Variants in CYFIP2 observed in about 807,000 individuals in gnomAD.
CYFIP2 encodes cytoplasmic FMR1 interacting protein 2.
A neutral mutation model predicts 158.7 loss-of-function variants in CYFIP2; 29 were observed. That is an observed-to-expected ratio of 0.18 (90% confidence interval 0.14 to 0.25). CYFIP2 has a LOEUF of 0.25. Among genes scored for constraint, CYFIP2 ranks in the 10% least tolerant of loss-of-function variants. CYFIP2 has a pLI of 1.00. For missense variants in CYFIP2, 852 were observed against 1,639.5 expected, an observed-to-expected ratio of 0.52 and a Z score of 8.29; for synonymous variants, 585 against 617.6, an observed-to-expected ratio of 0.95 and a Z score of 0.78.
intron 2 of CYFIP2, among the ~76,000 whole-genome samples, chr5:157,286,580 T>TATATATATATATATATATATA (rs1561691042): frequency 7.1e-6 from 1 of 139,994 alleles, no homozygotes; most frequent in African/African-American, 2.8e-5. Context: ...ATATATATAT[T>TATATATATATATATATATATA]TAGCCTTTCA....
chr5:157,322,968 G>T (rs1420905117), intron 15 of CYFIP2: 2 of 1,535,868 alleles, frequency 1.3e-6, no homozygotes, highest in South Asian at 2.4e-5. Flanking sequence ...CGAGGGCTTT[G>T]TTTCACCCCA....
intron 13 of CYFIP2, among the ~76,000 whole-genome samples, chr5:157,316,833 G>A (rs569157790): frequency 6.6e-6 from 1 of 152,290 alleles, no homozygotes; most frequent in East Asian, 1.9e-4. Context: ...CCATACAAAT[G>A]TAAGAGATTA....
rs35238882 is a variant in CYFIP2, at chr5:157,379,487, CA to C, written c.3040-3094del. ...CCTACTTATAAAAAAAAACTTCCAACAAAAAAAAACTCCCAACTCTGTCTCT... is the reference window on the plus strand; with the variant it reads ...CCTACTTATAAAAAAAAACTTCCAACAAAAAAAACTCCCAACTCTGTCTCT... On this transcript the variant is annotated intron_variant, in intron 26 of 30. Coordinates refer to ENST00000620254, the MANE Select transcript of CYFIP2 (RefSeq NM_001037333.3). Among the ~76,000 whole-genome samples the C allele has an allele frequency of 6.0e-5, 9 of 149,600 alleles. No individual in the cohort carries two copies. The South Asian group carries it at 8.4e-4, about 14-fold the overall frequency.
chr5:157,285,246 T>C, intron 1 of CYFIP2, 93 bp from the exon 2 acceptor site: 2 of 837,810 alleles, frequency 2.4e-6, no homozygotes, highest in Non-Finnish European at 3.8e-6. Flanking sequence ...TTAACTCTCT[T>C]TATTCTCCCA....
intron 22 of CYFIP2, among the ~76,000 whole-genome samples, chr5:157,339,665 A>T (rs1489995129): frequency 6.6e-6 from 1 of 152,256 alleles, no homozygotes; most frequent in East Asian, 1.9e-4. Flanking sequence ...GAAAGCCCAC[A>T]GGGCCATGAC....
chr5:157,280,363 A>ATTTTTTTT (rs57893061), intron 1 of CYFIP2, among the ~76,000 whole-genome samples: 3,420 of 132,852 alleles, frequency 0.026, 59 homozygotes, highest in South Asian at 0.042. Context: ...CGCCTGGCTA[A>ATTTTTTTT]TTTTTTTTTT....
chr5:157,377,700 T>C (rs1765619916), intron 26 of CYFIP2, among the ~76,000 whole-genome samples: 1 of 152,240 alleles, frequency 6.6e-6, no homozygotes. Context: ...CAAGTCAGAA[T>C]GAAAGTCTTC....
intron 24 of CYFIP2, among the ~76,000 whole-genome samples, chr5:157,359,570 C>A (rs1391959961): frequency 6.6e-6 from 1 of 152,236 alleles, no homozygotes; most frequent in Non-Finnish European, 1.5e-5. Flanking sequence ...CATCATGCTT[C>A]TTTCCCTTGG....
In CYFIP2 at chr5:157,304,306, T is replaced by A; in HGVS notation, c.735T>A (p.Cys245Ter). 6.2e-7 allele frequency: 1 copy of A among 1,613,990 alleles called. No individual in the cohort carries two copies. Among genetic ancestry groups the A allele is most frequent in the Non-Finnish European group, 8.5e-7 (1 of 1,179,892 alleles). Residue 245 changes from cysteine (C) to a stop codon, truncating the protein, a stop_gained, in exon 8 of 31, where the codon TGT becomes TGA. Coordinates refer to ENST00000620254, the MANE Select transcript of CYFIP2 (RefSeq NM_001037333.3). LOFTEE classifies it high-confidence loss of function. ...TGCTGGCTGACATTGTCAACATCTG[T>A]GTGGATTACTACGAGAACAAGATGT... The part of the protein sequence containing the change: ...EELLADIVNI[C>*]VDYYENKMYL...
rs1167257702 is a variant in CYFIP2 at position 157,285,580 on chromosome 5, G to A, written c.117+102G>A. On this transcript the variant is annotated intron_variant, in intron 2 of 30. Transcript: ENST00000620254. Reference sequence around the variant, plus strand: ...GGGAAGGGGAGGTCTGCATCTAGAAGGTGAAAGGTTGTGAGCTGATGGAGT... The same window carrying A: ...GGGAAGGGGAGGTCTGCATCTAGAAAGTGAAAGGTTGTGAGCTGATGGAGT... The A allele has an allele frequency of 3.8e-6, 4 of 1,058,730 alleles. No homozygotes were observed. In the South Asian group the frequency reaches 4.8e-5, roughly 13 times the overall value. 65.6% of individuals were successfully genotyped at this position (1,058,730 alleles called of 1,614,324 possible).
chr5:157,322,589 C>T (rs1760687501), intron 15 of CYFIP2, among the ~76,000 whole-genome samples: 1 of 152,220 alleles, frequency 6.6e-6, no homozygotes, highest in Non-Finnish European at 1.5e-5. Context: ...GGCCCTCCAA[C>T]AGGGCTGCAG....
chr5:157,389,636 C>T (rs965392422), intron 29 of CYFIP2: 1 of 547,560 alleles, frequency 1.8e-6, no homozygotes, highest in African/African-American at 1.9e-5. Context: ...TGCCTCACCC[C>T]CACTACACTG....
At chr5:157,374,283 A>G (rs914163792) in intron 26 of CYFIP2, among the ~76,000 whole-genome samples, 1 of 152,142 alleles carries the variant, frequency 6.6e-6, no homozygotes, top group African/African-American at 2.4e-5. Context: ...AAATCATAAA[A>G]TGGTATCCTT....
rs57893061 is a variant in CYFIP2 at position 157,280,363 on chromosome 5, A to AT, written c.-23-4960dup. Among the ~76,000 whole-genome samples, 1,212 of 133,210 alleles carry AT rather than the reference A, an allele frequency of 9.1e-3. 15 individuals carry two copies. The highest frequency in any genetic ancestry group is 0.023 in the Middle Eastern group (6 of 262). The allele number at this position is 133,210 out of a possible 152,430, so 87.4% of individuals were successfully genotyped here. On this transcript the variant is annotated intron_variant, in intron 1 of 30. Coordinates refer to ENST00000620254, the MANE Select transcript of CYFIP2 (RefSeq NM_001037333.3). ...AGGCACCCACCACCACGCCTGGCTA[A>AT]TTTTTTTTTTTTTTTTGTATTTTTA...
rs1395649806 is a variant in CYFIP2, at chr5:157,294,899, A to G, written c.285+39A>G. On this transcript the variant is annotated intron_variant, in intron 4 of 30. Coordinates refer to ENST00000620254, the MANE Select transcript of CYFIP2 (RefSeq NM_001037333.3). ...TGTTGTGTGTCTCTTTCCCCTCCAGAGGGCATTACTAACCCCTACTTCATC... is the reference window on the plus strand; with the variant it reads ...TGTTGTGTGTCTCTTTCCCCTCCAGGGGGCATTACTAACCCCTACTTCATC... 5 of 1,552,386 alleles carry G rather than the reference A, an allele frequency of 3.2e-6. No individual in the cohort carries two copies. The African/African-American group carries it at 6.8e-5, about 21-fold the overall frequency.
chr5:157,321,847 G>A (rs1425910945), intron 15 of CYFIP2, among the ~76,000 whole-genome samples: 16 of 152,188 alleles, frequency 1.1e-4, no homozygotes, highest in Non-Finnish European at 2.4e-4. Flanking sequence ...GTTGTAGAAC[G>A]CCCCAAGGAA....
intron 26 of CYFIP2, among the ~76,000 whole-genome samples, chr5:157,380,544 A>G (rs1554122307): frequency 6.6e-6 from 1 of 152,242 alleles, no homozygotes; most frequent in Non-Finnish European, 1.5e-5. Flanking sequence ...AATACAAACA[A>G]GGGGAACTCT....
At chr5:157,355,578 G>A (rs1404659574) in intron 23 of CYFIP2, among the ~76,000 whole-genome samples, 1 of 152,118 alleles carries the variant, frequency 6.6e-6, no homozygotes, top group African/African-American at 2.4e-5. Context: ...TTTGAACTGA[G>A]GTGTGCCCAC....
Position 157,383,371 on chromosome 5 carries a change from A to G in CYFIP2, c.3207+12A>G, listed in dbSNP as rs530691975. ...TGGGGACCCCTCAGGTACCAATCTT[A>G]TATAATAAATGGGCTCTGATCACTG... is the stretch of plus-strand genomic sequence containing the variant. On this transcript the variant is annotated intron_variant, in intron 28 of 30. Coordinates refer to ENST00000620254, the MANE Select transcript of CYFIP2 (RefSeq NM_001037333.3). 4 of 1,609,742 alleles carry G rather than the reference A, an allele frequency of 2.5e-6. No homozygotes were observed. In the Admixed American group the frequency reaches 5.0e-5, roughly 20 times the overall value.
Sources: allele counts gnomAD v4.1 joint callset (sites outside exome capture counted in the v4.1 genomes callset), GRCh38; gene constraint gnomAD v4.1.1; transcripts MANE v1.5; gene names NCBI Gene and HGNC (gene_info 2026-07-23, HGNC 2026-07-21).